Variants in NUP205 observed in about 807,000 individuals in gnomAD.
NUP205 encodes the protein nuclear pore complex protein Nup205.
A neutral mutation model predicts 253.8 loss-of-function variants in NUP205; 76 were observed. The observed-to-expected ratio is 0.30, with a 90% CI of 0.25 to 0.36. The LOEUF (loss-of-function observed/expected upper bound fraction) is 0.36. Ranked by LOEUF, NUP205 falls within the 10% of genes least tolerant of loss-of-function variation. NUP205 has a pLI of 1.00. For synonymous variants in NUP205, 832 were observed against 850.1 expected (o/e 0.98, Z 0.37); for missense variants, 2,162 against 2,425.5 (o/e 0.89, Z 2.28).
At chr7:135,571,761 G>C (rs753712325) in intron 2 of NUP205, among the ~76,000 whole-genome samples, 1 of 151,048 alleles carries the variant, frequency 6.6e-6, no homozygotes, top group Non-Finnish European at 1.5e-5. Context: ...ATTATTATTG[G>C]CTATCACCCT....
intron 7 of NUP205, among the ~76,000 whole-genome samples, chr7:135,582,412 T>G (rs60617456): frequency 0.034 from 5,184 of 152,332 alleles, 119 homozygotes; most frequent in Middle Eastern, 0.1. Flanking sequence ...ATTTTAGTAA[T>G]TGTTATTACT....
In NUP205 at chr7:135,622,935, C is replaced by T. The variant is rs375437941; in HGVS notation, c.4479+10C>T. On this transcript the variant is annotated intron_variant, in intron 31 of 42. Transcript: ENST00000285968. ...TCATGAGATTGGAAGGGTAAAGCAA[C>T]TCTTATTTAGTATTATAATTGAATA... The T allele has an allele frequency of 1.6e-5, 26 of 1,612,088 alleles. No homozygotes were observed. In the Middle Eastern group the frequency reaches 4.9e-4, roughly 31 times the overall value.
intron 38 of NUP205, among the ~76,000 whole-genome samples, chr7:135,642,896 G>A (rs1451591366): frequency 6.7e-6 from 1 of 149,784 alleles, no homozygotes. Context: ...TTTATACTTT[G>A]ATAGAGTTCT....
chr7:135,641,995 C>T (rs1794922134), intron 38 of NUP205, among the ~76,000 whole-genome samples: 1 of 151,964 alleles, frequency 6.6e-6, no homozygotes, highest in Non-Finnish European at 1.5e-5. Context: ...TGGCTCGTGC[C>T]TGTAATCCCA....
Position 135,573,764 on chromosome 7 carries a change from C to G in NUP205, c.282C>G (p.Ala94=). 1 of 1,613,878 alleles carries G rather than the reference C, an allele frequency of 6.2e-7. No individual in the cohort carries two copies. Among genetic ancestry groups the G allele is most frequent in the Non-Finnish European group, 8.5e-7 (1 of 1,179,896 alleles). ...TTCCTGAACAGCTCATTAAAGAAGCCTTTATTCTCAGTGACCTTTTTGATA... is the reference window on the plus strand; with the variant it reads ...TTCCTGAACAGCTCATTAAAGAAGCGTTTATTCTCAGTGACCTTTTTGATA... ...RLLPEQLIKE[A]FILSDLFDIG... is the part of the protein sequence containing the mutation. Residue 94 remains alanine (A), a synonymous_variant, in exon 3 of 43, where the codon GCC becomes GCG. Transcript: ENST00000285968.
chr7:135,594,579 C>G lies in NUP205; in HGVS notation c.1863C>G (p.His621Gln), dbSNP rs570645242. 6 of 1,611,840 alleles carry G rather than the reference C, an allele frequency of 3.7e-6. 2 individuals carry two copies. In the Admixed American group the frequency reaches 1.0e-4, roughly 27 times the overall value. The change falls in exon 13 of 43, where the codon CAC (histidine) becomes CAG (glutamine). Residue 621 changes from histidine (H) to glutamine (Q), a missense_variant. His to Gln is a conservative substitution (Grantham distance 24). This residue lies in a region of NUP205 where 892 missense variants were observed against 957.1 expected (regional missense o/e 0.93). Transcript: ENST00000285968. ...ATGCTCGCTTGGCACTCTGTGAACA[C>G]CCTCAGTGGACCCCTGTTGTGGTGA... ...SENARLALCE[H>Q]PQWTPVVVIL...
rs1794603189 is a variant in NUP205, at chr7:135,626,930, T to C, written c.4793+569T>C. Among the ~76,000 whole-genome samples, 3 of 152,224 alleles carry C rather than the reference T, an allele frequency of 2.0e-5. No homozygotes were observed. In the South Asian group the frequency reaches 6.2e-4, roughly 32 times the overall value. On this transcript the variant is annotated intron_variant, in intron 33 of 42. Coordinates refer to ENST00000285968, the MANE Select transcript of NUP205 (RefSeq NM_015135.3). The stretch of plus-strand genomic sequence containing the variant: ...AAGTAAATAATACTTAGTTTGAGTT[T>C]AGTAATTGTTTTAAAAGGATCTATT...
chr7:135,622,765 T>C lies in NUP205; in HGVS notation c.4331-12T>C. 1 of 1,613,090 alleles carries C rather than the reference T, an allele frequency of 6.2e-7. No homozygotes were observed. The highest frequency in any genetic ancestry group is 1.1e-5 in the South Asian group (1 of 91,048). On this transcript the variant is annotated splice_polypyrimidine_tract_variant and intron_variant, in intron 30 of 42. Coordinates refer to ENST00000285968, the MANE Select transcript of NUP205 (RefSeq NM_015135.3). ...TTTACTGGAGTGTTTTTTTCTGTTT[T>C]AATCCTTTTAGCCAAGAAAACCATG...
intron 1 of NUP205, among the ~76,000 whole-genome samples, chr7:135,565,242 A>G (rs1805718862): frequency 6.6e-6 from 1 of 152,164 alleles, no homozygotes; most frequent in Non-Finnish European, 1.5e-5. Context: ...GAGAAAATTA[A>G]CTTTTGTCAG....
At chr7:135,597,314 A>G in intron 13 of NUP205, 54 bp from the exon 14 acceptor site, 2 of 1,289,902 alleles carry the variant, frequency 1.6e-6, no homozygotes, top group East Asian at 2.3e-5. Flanking sequence ...AAAGCCACTA[A>G]TATTCATTGA....
rs1805473115 is a variant in NUP205 at position 135,557,935 on chromosome 7, C to T, written c.-10C>T. On this transcript the variant is annotated 5_prime_UTR_variant, in exon 1 of 43. Transcript: ENST00000285968. ...ATGCGGCAGAAGGGCTCTGTTAGTG[C>T]GCCTCTAAGATGGCGACGCCTTTGG... 4 of 1,612,990 alleles carry T rather than the reference C, an allele frequency of 2.5e-6. No homozygotes were observed. The highest frequency in any genetic ancestry group is 3.4e-6 in the Non-Finnish European group (4 of 1,178,976).
Position 135,573,765 on chromosome 7 carries a change from T to A in NUP205, c.283T>A (p.Phe95Ile). The change falls in exon 3 of 43, where the codon TTT (phenylalanine) becomes ATT (isoleucine). Residue 95 changes from phenylalanine to isoleucine, a missense_variant. By Grantham distance (21) the Phe-to-Ile change is conservative. Coordinates refer to ENST00000285968, the MANE Select transcript of NUP205 (RefSeq NM_015135.3). ...LLPEQLIKEAFILSDLFDIGE... is the reference protein window; with the variant it reads ...LLPEQLIKEAIILSDLFDIGE... ...TCCTGAACAGCTCATTAAAGAAGCC[T>A]TTATTCTCAGTGACCTTTTTGATAT... The A allele has an allele frequency of 6.2e-7, 1 of 1,613,928 alleles. No individual in the cohort carries two copies. Among genetic ancestry groups the A allele is most frequent in the Non-Finnish European group, 8.5e-7 (1 of 1,179,882 alleles).
intron 1 of NUP205, among the ~76,000 whole-genome samples, chr7:135,569,633 C>T (rs1220465626): frequency 6.6e-6 from 1 of 151,672 alleles, no homozygotes; most frequent in Non-Finnish European, 1.5e-5. Context: ...GTGCTAACCT[C>T]ATAGGGTGTT....
In NUP205 at chr7:135,601,362, C is replaced by G. The variant is rs896671870; in HGVS notation, c.2375-8C>G. 1 of 1,609,138 alleles carries G rather than the reference C, an allele frequency of 6.2e-7. No individual in the cohort carries two copies. The highest frequency in any genetic ancestry group is 1.3e-5 in the African/African-American group (1 of 74,746). ...ATCATCTCTTGGAATATGTTATGTTCTATTTAGGAGAAGAAATCATAGCCT... is the reference window on the plus strand; with the variant it reads ...ATCATCTCTTGGAATATGTTATGTTGTATTTAGGAGAAGAAATCATAGCCT... On this transcript the variant is annotated splice_polypyrimidine_tract_variant and splice_region_variant and intron_variant, in intron 16 of 42. Coordinates refer to ENST00000285968, the MANE Select transcript of NUP205 (RefSeq NM_015135.3).
Position 135,638,647 on chromosome 7 carries a change from C to G in NUP205, c.5356C>G (p.Leu1786Val), listed in dbSNP as rs1794862858. Residue 1786 changes from leucine to valine, a missense_variant, in exon 38 of 43, where the codon CTT becomes GTT. Leu to Val is a conservative substitution (Grantham distance 32). Coordinates refer to ENST00000285968, the MANE Select transcript of NUP205 (RefSeq NM_015135.3). Reference sequence around the variant, plus strand: ...TGCTGTGTGTCTCTTCACTCCTAGCCTTTCAGAAACAGTTAATAGAGATGG... The same window carrying G: ...TGCTGTGTGTCTCTTCACTCCTAGCGTTTCAGAAACAGTTAATAGAGATGG... ...QHAVCLFTPS[L>V]SETVNRDGPR... 6.2e-7 allele frequency: 1 copy of G among 1,613,956 alleles called. No individual in the cohort carries two copies. Among genetic ancestry groups the G allele is most frequent in the Admixed American group, 1.7e-5 (1 of 59,986 alleles).
chr7:135,558,144 G>C, intron 1 of NUP205, 172 bp downstream of exon 1: 1 of 657,112 alleles, frequency 1.5e-6, no homozygotes, highest in South Asian at 1.7e-5. Context: ...GGCGCGCGTC[G>C]GTGCTGCGGC....
chr7:135,629,018 G>A (rs914323757), intron 34 of NUP205, among the ~76,000 whole-genome samples: 7 of 152,192 alleles, frequency 4.6e-5, no homozygotes, highest in Non-Finnish European at 1.0e-4. Flanking sequence ...TAAGACACTG[G>A]TTCCCTAACA....
At chr7:135,597,634 G>T in intron 14 of NUP205, 1 of 466,380 alleles carries the variant, frequency 2.1e-6, no homozygotes, top group South Asian at 4.8e-5. Context: ...ATGTTACATG[G>T]CAACCATCCA....
rs552957695 is a variant in NUP205 at position 135,574,932 on chromosome 7, G to A, written c.343+1107G>A. On this transcript the variant is annotated intron_variant, in intron 3 of 42. Transcript: ENST00000285968. ...CCAAAATCCTTTTTGACCTAAGCCTGCACTAAAAGAAGTATGATATTGAGA... is the reference window on the plus strand; with the variant it reads ...CCAAAATCCTTTTTGACCTAAGCCTACACTAAAAGAAGTATGATATTGAGA... 2.0e-5 allele frequency among the ~76,000 whole-genome samples: 3 copies of A among 152,274 alleles called. No homozygotes were observed. The South Asian group carries it at 6.2e-4, about 32-fold the overall frequency.
Sources: gnomAD v4.1 joint callset for allele counts (sites outside exome capture counted in the v4.1 genomes callset) on GRCh38, gnomAD v4.1.1 for gene constraint, gnomAD v4.1.1 regional missense constraint, MANE v1.5 for transcripts, NCBI Gene and HGNC (gene_info 2026-07-23, HGNC 2026-07-21) for gene names.